Variants in FRMD3 observed in about 807,000 individuals in gnomAD.
The protein encoded by FRMD3 is FERM domain containing 3, also known as FERM domain-containing protein 3.
Under a neutral mutation model 70.2 loss-of-function variants are expected in FRMD3, and 33 were observed. The observed-to-expected ratio is 0.47, with a 90% CI of 0.36 to 0.63. The LOEUF (loss-of-function observed/expected upper bound fraction) is 0.63, where lower values mean the gene tolerates loss of function less well. FRMD3 is among the 20% of genes least tolerant of loss of function. The probability of loss-of-function intolerance (pLI) is 0.00; values close to 1 mark genes in which losing one functional copy is unlikely to be tolerated. For missense variants in FRMD3, 632 were observed against 711.4 expected, an observed-to-expected ratio of 0.89 and a Z score of 1.27; for synonymous variants, 279 against 255.9, an observed-to-expected ratio of 1.09 and a Z score of -0.86.
chr9:83,525,390 T>C (rs1829663931), intron 1 of FRMD3, among the ~76,000 whole-genome samples: 1 of 152,208 alleles, frequency 6.6e-6, no homozygotes, highest in Non-Finnish European at 1.5e-5. Context: ...AGCAATTTTG[T>C]AGAACTTGAA....
chr9:83,321,495 CT>C (rs1292669827), intron 6 of FRMD3, among the ~76,000 whole-genome samples: 2 of 152,144 alleles, frequency 1.3e-5, no homozygotes, highest in African/African-American at 2.4e-5. Flanking sequence ...TCAAGCATTC[CT>C]CTTGGCAGTG....
At chr9:83,262,142 C>G (rs567121418) in intron 13 of FRMD3, among the ~76,000 whole-genome samples, 1 of 152,324 alleles carries the variant, frequency 6.6e-6, no homozygotes, top group Admixed American at 6.5e-5. Context: ...GTTGCTGAAT[C>G]TCTGGTCTAT....
At chr9:83,370,590 C>A (rs555913875) in intron 3 of FRMD3, among the ~76,000 whole-genome samples, 1 of 152,222 alleles carries the variant, frequency 6.6e-6, no homozygotes, top group East Asian at 1.9e-4. Flanking sequence ...TAGTCAAATG[C>A]CAATCTTTAC....
chr9:83,299,400 ATTTCC>A (rs1259870976), intron 10 of FRMD3, among the ~76,000 whole-genome samples: 1 of 152,204 alleles, frequency 6.6e-6, no homozygotes, highest in Non-Finnish European at 1.5e-5. Context: ...TTTCTACGCT[ATTTCC>A]TTTCATTCTT....
At chr9:83,474,594 A>C (rs555826962) in intron 1 of FRMD3, among the ~76,000 whole-genome samples, 79 of 152,274 alleles carry the variant, frequency 5.2e-4, no homozygotes, top group Non-Finnish European at 9.0e-4. Context: ...AAGCCTAAAA[A>C]ACAGAGAATA....
At chr9:83,349,459 C>T (rs908569467) in intron 4 of FRMD3, among the ~76,000 whole-genome samples, 1 of 152,118 alleles carries the variant, frequency 6.6e-6, no homozygotes, top group Admixed American at 6.5e-5. Flanking sequence ...ATAGCCAGTG[C>T]TTTTTTCTGC....
At chr9:83,390,495 T>A (rs1236500477) in intron 1 of FRMD3, among the ~76,000 whole-genome samples, 1 of 152,230 alleles carries the variant, frequency 6.6e-6, no homozygotes, top group African/African-American at 2.4e-5. Flanking sequence ...AGCCCAGGAC[T>A]AAGATCCAAA....
intron 13 of FRMD3, among the ~76,000 whole-genome samples, chr9:83,259,753 T>A (rs557021314): frequency 1.3e-5 from 2 of 152,154 alleles, no homozygotes; most frequent in Non-Finnish European, 2.9e-5. Flanking sequence ...TCTCTATAGA[T>A]GTCTCATAGT....
At chr9:83,338,022 A>T (rs1823634562) in intron 5 of FRMD3, among the ~76,000 whole-genome samples, 1 of 152,238 alleles carries the variant, frequency 6.6e-6, no homozygotes. Context: ...GCTGACAAGG[A>T]CTAATATCTA....
At chr9:83,535,798 G>A (rs1448367170) in intron 1 of FRMD3, among the ~76,000 whole-genome samples, 1 of 152,164 alleles carries the variant, frequency 6.6e-6, no homozygotes, top group Admixed American at 6.5e-5. Flanking sequence ...TGTGGGCTAT[G>A]GAGAGAGGGT....
chr9:83,490,421 T>C (rs1025025972), intron 1 of FRMD3, among the ~76,000 whole-genome samples: 7 of 152,084 alleles, frequency 4.6e-5, no homozygotes, highest in African/African-American at 1.7e-4. Context: ...CCTGAGTAGT[T>C]GGGATTACAG....
chr9:83,357,242 CATACATATATATATATAT>C (rs1439603036), intron 3 of FRMD3, among the ~76,000 whole-genome samples: 719 of 13,246 alleles, frequency 0.054, 65 homozygotes, highest in Non-Finnish European at 0.061. Flanking sequence ...ATATATAATA[CATACATATATATATATAT>C]ATATATATAT....
chr9:83,320,770 C>G, intron 6 of FRMD3, among the ~76,000 whole-genome samples: 1 of 152,040 alleles, frequency 6.6e-6, no homozygotes, highest in African/African-American at 2.4e-5. Context: ...TTTGCATGTT[C>G]TCTAGAATTC....
At chr9:83,464,068 G>A (rs1429768725) in intron 1 of FRMD3, among the ~76,000 whole-genome samples, 1 of 152,140 alleles carries the variant, frequency 6.6e-6, no homozygotes, top group Non-Finnish European at 1.5e-5. Flanking sequence ...CCCCCTGCAT[G>A]AATGATCATT....
intron 1 of FRMD3, among the ~76,000 whole-genome samples, chr9:83,414,063 C>A (rs1826360247): frequency 6.6e-6 from 1 of 150,852 alleles, no homozygotes; most frequent in Admixed American, 6.6e-5. Context: ...ATTCACGCAA[C>A]ACACACACAC....
At chr9:83,270,482 G>A (rs1042031636) in intron 13 of FRMD3, among the ~76,000 whole-genome samples, 2 of 152,154 alleles carry the variant, frequency 1.3e-5, no homozygotes, top group African/African-American at 4.8e-5. Context: ...ACTGTAAAAT[G>A]GAGACAACAA....
intron 3 of FRMD3, among the ~76,000 whole-genome samples, chr9:83,356,401 A>G (rs952771922): frequency 1.3e-5 from 2 of 149,082 alleles, no homozygotes; most frequent in African/African-American, 4.9e-5. Flanking sequence ...TCGGCCTCCC[A>G]AGTAGCTGGG....
At chr9:83,391,191 T>A (rs116584542) in intron 1 of FRMD3, among the ~76,000 whole-genome samples, 1 of 152,214 alleles carries the variant, frequency 6.6e-6, no homozygotes, top group African/African-American at 2.4e-5. Context: ...ACTTCCTTCC[T>A]GAGAAACCAT....
At chr9:83,325,178 G>A (rs72618131) in intron 6 of FRMD3, among the ~76,000 whole-genome samples, 10,639 of 152,168 alleles carry the variant, frequency 0.07, 567 homozygotes, top group East Asian at 0.23. Flanking sequence ...GAGTGGGAGC[G>A]GGTGAGGGAT....
Sources: allele counts gnomAD v4.1 joint callset (sites outside exome capture counted in the v4.1 genomes callset), GRCh38; gene constraint gnomAD v4.1.1; transcripts MANE v1.5; gene names NCBI Gene and HGNC (gene_info 2026-07-23, HGNC 2026-07-21).